The following OSBPL10 variants were observed in gnomAD, a reference collection of about 807,000 sequenced individuals.
OSBPL10 encodes oxysterol binding protein like 10.
In OSBPL10, 49 loss-of-function variants were observed where a neutral mutation model predicts 81.7. The ratio of observed to expected loss-of-function variants is 0.60; its 90% CI spans 0.48 to 0.76. The LOEUF (loss-of-function observed/expected upper bound fraction) is 0.76. Among genes scored for constraint, OSBPL10 ranks in the 30% least tolerant of loss-of-function variants. The pLI is 0.00. For missense variants in OSBPL10, 923 were observed against 987.8 expected, an observed-to-expected ratio of 0.93 and a Z score of 0.88; for synonymous variants, 419 against 383.6, an observed-to-expected ratio of 1.09 and a Z score of -1.08.
intron 1 of OSBPL10, among the ~76,000 whole-genome samples, chr3:31,883,403 A>AT (rs1288719512): frequency 2.0e-5 from 3 of 150,556 alleles, no homozygotes; most frequent in Admixed American, 6.6e-5. Context: ...CGCCCAGCTA[A>AT]TTTTTTTTGT....
chr3:31,783,146 T>TATATATATATATATATACACAC (rs1485968747), intron 4 of OSBPL10, among the ~76,000 whole-genome samples: 85 of 112,774 alleles, frequency 7.5e-4, no homozygotes, highest in Non-Finnish European at 1.0e-3. Context: ...TATATATATA[T>TATATATATATATATATACACAC]ACACACACAC....
intron 1 of OSBPL10, among the ~76,000 whole-genome samples, chr3:31,911,952 G>C (rs908147332): frequency 2.0e-5 from 3 of 152,104 alleles, no homozygotes; most frequent in Non-Finnish European, 2.9e-5. Flanking sequence ...AATCCTCCAT[G>C]CAGACAAGCA....
At chr3:32,028,186 AATGT>A (rs1402360951) in intron 2 of OSBPL10, among the ~76,000 whole-genome samples, 1 of 152,182 alleles carries the variant, frequency 6.6e-6, no homozygotes, top group East Asian at 1.9e-4. Context: ...CATAGATATA[AATGT>A]ATGTGTTACA....
chr3:31,708,606 A>G (rs1329271290), intron 6 of OSBPL10: 1 of 551,660 alleles, frequency 1.8e-6, no homozygotes, highest in Non-Finnish European at 2.3e-6. Context: ...ATGACTACCA[A>G]GTGCAAGGCA....
intron 8 of OSBPL10, among the ~76,000 whole-genome samples, chr3:31,682,118 T>G (rs1575472275): frequency 6.6e-6 from 1 of 152,306 alleles, no homozygotes; most frequent in South Asian, 2.1e-4. Flanking sequence ...CCACTACATT[T>G]ACTTCCTCCA....
At chr3:31,903,208 GC>G (rs1278302488) in intron 1 of OSBPL10, among the ~76,000 whole-genome samples, 15 of 152,098 alleles carry the variant, frequency 9.9e-5, no homozygotes, top group Admixed American at 9.8e-4. Flanking sequence ...AAAAATTCAT[GC>G]CTTCACCTCA....
chr3:31,824,657 C>CA (rs1055812177), intron 4 of OSBPL10, among the ~76,000 whole-genome samples: 3 of 152,126 alleles, frequency 2.0e-5, no homozygotes, highest in African/African-American at 7.2e-5. Flanking sequence ...AGTGAGTGAT[C>CA]ATACATCTGT....
At chr3:31,696,410 G>A (rs201982450) in intron 7 of OSBPL10, among the ~76,000 whole-genome samples, 1 of 152,172 alleles carries the variant, frequency 6.6e-6, no homozygotes, top group Non-Finnish European at 1.5e-5. Flanking sequence ...CCTTTAAAGA[G>A]CTATCTTTAC....
intron 1 of OSBPL10, among the ~76,000 whole-genome samples, chr3:31,933,397 A>G (rs1019023867): frequency 1.4e-5 from 2 of 145,628 alleles, no homozygotes; most frequent in Non-Finnish European, 3.1e-5. Context: ...TTTAAGGGGG[A>G]AACAATAAAT....
At chr3:32,067,947 G>A (rs1045644063) in intron 1 of OSBPL10, among the ~76,000 whole-genome samples, 1 of 152,094 alleles carries the variant, frequency 6.6e-6, no homozygotes, top group Admixed American at 6.5e-5. Flanking sequence ...TGAAGACCAG[G>A]GTCAGAGGGA....
Position 31,928,763 on chromosome 3 carries a change from A to C in OSBPL10, c.282-48933T>G, listed in dbSNP as rs11914292. Among the ~76,000 whole-genome samples the C allele has an allele frequency of 4.3e-3, 258 of 59,812 alleles. 1 individual carries two copies. Among genetic ancestry groups the C allele is most frequent in the African/African-American group, 0.014 (58 of 4,150 alleles). The allele number at this position is 59,812 out of a possible 152,430, so 39.2% of individuals were successfully genotyped here. A position where few individuals can be genotyped will look rare whatever the true frequency, so the allele number is the denominator to read the frequency against. ...CTGGGCGACAGTGAGACTTGTCTCCAAAAAAAAAAAAAAAAAAAGAATGCC... is the reference window on the plus strand; with the variant it reads ...CTGGGCGACAGTGAGACTTGTCTCCCAAAAAAAAAAAAAAAAAAGAATGCC... On this transcript the variant is annotated intron_variant, in intron 1 of 11. Coordinates refer to ENST00000396556, the MANE Select transcript of OSBPL10 (RefSeq NM_017784.5).
chr3:31,744,975 C>T (rs770182083), intron 5 of OSBPL10, among the ~76,000 whole-genome samples: 8 of 152,172 alleles, frequency 5.3e-5, no homozygotes, highest in African/African-American at 9.7e-5. Context: ...TCTGAAAAGT[C>T]TCCAGTCTCA....
intron 6 of OSBPL10, among the ~76,000 whole-genome samples, chr3:31,726,969 A>G (rs112109666): frequency 0.097 from 14,703 of 151,746 alleles, 1,756 homozygotes; most frequent in African/African-American, 0.28. Flanking sequence ...TCAGCCTCCC[A>G]AGTAGCTGGG....
At chr3:31,733,864 G>A (rs954790224) in intron 5 of OSBPL10, among the ~76,000 whole-genome samples, 5 of 151,842 alleles carry the variant, frequency 3.3e-5, no homozygotes, top group Non-Finnish European at 7.4e-5. Context: ...CAAAAAATTA[G>A]CTGGGCGTGG....
intron 2 of OSBPL10, chr3:31,986,453 A>T (rs1467766171): frequency 6.6e-6 from 1 of 152,222 alleles, no homozygotes; most frequent in Non-Finnish European, 1.5e-5. Context: ...CTCCATTAAG[A>T]TTACCCTGAG....
In OSBPL10 at chr3:31,681,438, A is replaced by G. The variant is rs527637906; in HGVS notation, c.1726+2196T>C. ...CCCTAAATAAGGAGGAACTGTCCACATTTACAGTCCCTAATTCCTCTCCTT... is the reference window on the plus strand; with the variant it reads ...CCCTAAATAAGGAGGAACTGTCCACGTTTACAGTCCCTAATTCCTCTCCTT... On this transcript the variant is annotated intron_variant, in intron 8 of 11. Coordinates refer to ENST00000396556, the MANE Select transcript of OSBPL10 (RefSeq NM_017784.5). Among the ~76,000 whole-genome samples, 259 of 152,232 alleles carry G rather than the reference A, an allele frequency of 1.7e-3. 3 individuals carry two copies. The highest frequency in any genetic ancestry group is 6.0e-3 in the African/African-American group (249 of 41,540).
chr3:31,714,548 A>C (rs1440389788), intron 6 of OSBPL10: 1 of 152,636 alleles, frequency 6.6e-6, no homozygotes, highest in East Asian at 1.9e-4. Flanking sequence ...AAAACAGCTA[A>C]GACGACACAC....
chr3:31,812,757 A>AGAAAG (rs1699725818), intron 4 of OSBPL10, among the ~76,000 whole-genome samples: 2 of 40,182 alleles, frequency 5.0e-5, no homozygotes, highest in Admixed American at 3.8e-4. Context: ...AAAGAAAGAA[A>AGAAAG]GAAAGAAAGA....
chr3:31,900,375 T>A (rs1357363574), intron 1 of OSBPL10, among the ~76,000 whole-genome samples: 1 of 152,128 alleles, frequency 6.6e-6, no homozygotes, highest in African/African-American at 2.4e-5. Flanking sequence ...CATTGCCCCT[T>A]CTTGTTCTGC....
Sources: gnomAD v4.1 joint callset for allele counts (sites outside exome capture counted in the v4.1 genomes callset) on GRCh38, gnomAD v4.1.1 for gene constraint, MANE v1.5 for transcripts, NCBI Gene and HGNC (gene_info 2026-07-23, HGNC 2026-07-21) for gene names.